The following VPS13A variants were observed in gnomAD, a reference collection of about 807,000 sequenced individuals.
VPS13A encodes the protein vacuolar protein sorting 13 homolog A, also known as intermembrane lipid transfer protein VPS13A.
Under a neutral mutation model 390.9 loss-of-function variants are expected in VPS13A, and 264 were observed. That is an observed-to-expected ratio of 0.68 (90% CI 0.61 to 0.75). The LOEUF is 0.75. Among genes scored for constraint, VPS13A ranks in the 30% least tolerant of loss-of-function variants. VPS13A has a pLI of 0.00. For missense variants in VPS13A, 3,409 were observed against 3,733.9 expected (o/e 0.91, Z 2.27); for synonymous variants, 1,231 against 1,227.1 (o/e 1.00, Z -0.07).
rs775506611 is a variant in VPS13A, at chr9:77,353,538, G to T, written c.7549G>T (p.Ala2517Ser). The change falls in exon 54 of 72, where the codon GCA (alanine) becomes TCA (serine). Residue 2517 changes from alanine to serine, a missense_variant. Transcript: ENST00000360280. ...VFKVTYESEK[A>S]ELAEQEIAVA... is the part of the protein sequence containing the mutation. ...TAAAGTAACATATGAAAGTGAGAAA[G>T]CAGAGTTAGCAGAGCAAGAAATTGC... The T allele has an allele frequency of 6.2e-7, 1 of 1,613,510 alleles. No homozygotes were observed. Among genetic ancestry groups the T allele is most frequent in the Non-Finnish European group, 8.5e-7 (1 of 1,179,634 alleles).
Position 77,351,451 on chromosome 9 carries a change from G to T in VPS13A, c.7419+5G>T. ...GGTGAAGTAACACAGAAGGATGTAAGTATTGGGTTATTATGGTGTTCCCAG... is the reference window on the plus strand; with the variant it reads ...GGTGAAGTAACACAGAAGGATGTAATTATTGGGTTATTATGGTGTTCCCAG... On this transcript the variant is annotated splice_donor_5th_base_variant and intron_variant, in intron 53 of 71. Transcript: ENST00000360280. The T allele has an allele frequency of 6.2e-7, 1 of 1,612,676 alleles. No homozygotes were observed. Among genetic ancestry groups the T allele is most frequent in the Non-Finnish European group, 8.5e-7 (1 of 1,179,050 alleles).
intron 68 of VPS13A, among the ~76,000 whole-genome samples, chr9:77,391,053 C>A (rs190714824): frequency 1.3e-5 from 2 of 152,094 alleles, no homozygotes; most frequent in Non-Finnish European, 2.9e-5. Flanking sequence ...TCTTTTTAAT[C>A]AAAGATCTGT....
In VPS13A at chr9:77,239,132, T is replaced by A. The variant is rs78742450; in HGVS notation, c.1900+746T>A. 4.4e-4 allele frequency among the ~76,000 whole-genome samples: 67 copies of A among 152,148 alleles called. 1 individual carries two copies. The East Asian group carries it at 0.012, about 27-fold the overall frequency. On this transcript the variant is annotated intron_variant, in intron 19 of 71. Transcript: ENST00000360280. Reference sequence around the variant, plus strand: ...TTAAGAGAAATACATGAAAAATGCCTCATTATCAATGTAGATTTTTCTATT... The same window carrying A: ...TTAAGAGAAATACATGAAAAATGCCACATTATCAATGTAGATTTTTCTATT...
At chr9:77,403,674 G>T (rs2131648391) in intron 69 of VPS13A, among the ~76,000 whole-genome samples, 1 of 152,284 alleles carries the variant, frequency 6.6e-6, no homozygotes, top group East Asian at 1.9e-4. Flanking sequence ...GGTAGTATCT[G>T]TTTGTTAGAA....
intron 65 of VPS13A, 50 bp downstream of exon 65, chr9:77,370,628 A>C: frequency 6.2e-7 from 1 of 1,611,020 alleles, no homozygotes; most frequent in East Asian, 2.2e-5. Flanking sequence ...TCTTTTAAAC[A>C]AACCTACATT....
chr9:77,345,153 C>T lies in VPS13A; in HGVS notation c.7289+11C>T, dbSNP rs1831078839. ...TCAATACAATCAAAGGTAAGATTATCACAAATACAGTAACTCTTGATGGTG... is the reference window on the plus strand; with the variant it reads ...TCAATACAATCAAAGGTAAGATTATTACAAATACAGTAACTCTTGATGGTG... On this transcript the variant is annotated intron_variant, in intron 52 of 71. Transcript: ENST00000360280. 4 of 1,612,012 alleles carry T rather than the reference C, an allele frequency of 2.5e-6. No individual in the cohort carries two copies. Among genetic ancestry groups the T allele is most frequent in the Middle Eastern group, 1.7e-4 (1 of 6,054 alleles).
chr9:77,374,046 A>T (rs907821635), intron 67 of VPS13A, among the ~76,000 whole-genome samples: 1 of 152,244 alleles, frequency 6.6e-6, no homozygotes, highest in African/African-American at 2.4e-5. Flanking sequence ...TTATAAAATT[A>T]GCAAATATAA....
At position 77,378,285 on chromosome 9, in the gene VPS13A, A is replaced by C. The variant is rs558652302; in HGVS notation, c.9078-3691A>C. 1.9e-3 allele frequency among the ~76,000 whole-genome samples: 285 copies of C among 152,246 alleles called. 1 individual carries two copies. The highest frequency in any genetic ancestry group is 6.3e-3 in the African/African-American group (263 of 41,560). ...TGATCAGTGAAACCGTCTGATTCTT[A>C]CTTTTATTTCTGGTGAGTTTTAAAA... On this transcript the variant is annotated intron_variant, in intron 67 of 71. Transcript: ENST00000360280.
At chr9:77,353,220 C>A (rs942487348) in intron 53 of VPS13A, among the ~76,000 whole-genome samples, 189 bp from the exon 54 acceptor site, 1 of 151,902 alleles carries the variant, frequency 6.6e-6, no homozygotes, top group Non-Finnish European at 1.5e-5. Flanking sequence ...TAACAGATAA[C>A]ATCAAATGAT....
At chr9:77,275,429 A>G (rs1826595748) in intron 24 of VPS13A, 69 bp from the exon 25 acceptor site, 1 of 1,457,282 alleles carries the variant, frequency 6.9e-7, no homozygotes, top group African/African-American at 1.4e-5. Flanking sequence ...GTTCATATTT[A>G]TTTCTATTGA....
At chr9:77,283,777 GAGTC>G in intron 31 of VPS13A, 127 bp downstream of exon 31, 1 of 748,676 alleles carries the variant, frequency 1.3e-6, no homozygotes, top group South Asian at 1.8e-5. Context: ...ATGGGTTTTG[GAGTC>G]AGGCATAATT....
In VPS13A at chr9:77,295,849, A is replaced by T. The variant is rs755654576; in HGVS notation, c.3812+3A>T. The T allele has an allele frequency of 6.2e-7, 1 of 1,613,154 alleles. No individual in the cohort carries two copies. Among genetic ancestry groups the T allele is most frequent in the African/African-American group, 1.3e-5 (1 of 75,038 alleles). On this transcript the variant is annotated splice_donor_region_variant and intron_variant, in intron 33 of 71. Coordinates refer to ENST00000360280, the MANE Select transcript of VPS13A (RefSeq NM_033305.3). ...CTGAGTGAAATGCGACTATACAGGT[A>T]AGCTTTTCACAAGTATATTTGTGTG...
At chr9:77,383,257 TAA>T (rs1833535288) in intron 68 of VPS13A, among the ~76,000 whole-genome samples, 1 of 152,016 alleles carries the variant, frequency 6.6e-6, no homozygotes, top group Non-Finnish European at 1.5e-5. Flanking sequence ...AATATTTAGT[TAA>T]GTGATTTTAT....
At chr9:77,293,791 CGTTTTATAT>C (rs1318710012) in intron 32 of VPS13A, among the ~76,000 whole-genome samples, 1 of 151,936 alleles carries the variant, frequency 6.6e-6, no homozygotes, top group African/African-American at 2.4e-5. Context: ...TTAGAACCTT[CGTTTTATAT>C]GTCATTGGCT....
intron 46 of VPS13A, 146 bp downstream of exon 46, chr9:77,332,259 A>G (rs1389784922): frequency 1.4e-5 from 9 of 632,240 alleles, no homozygotes; most frequent in Non-Finnish European, 2.5e-5. Flanking sequence ...ATCTTAAAAA[A>G]GAAGTATTAT....
intron 23 of VPS13A, among the ~76,000 whole-genome samples, chr9:77,264,176 A>G (rs1825905604): frequency 6.6e-6 from 1 of 152,064 alleles, no homozygotes; most frequent in East Asian, 1.9e-4. Context: ...TACCAGTACC[A>G]TTGCTGTTTT....
At chr9:77,351,242 G>A (rs1831447223) in intron 52 of VPS13A, 75 bp from the exon 53 acceptor site, 1 of 1,560,832 alleles carries the variant, frequency 6.4e-7, no homozygotes, top group African/African-American at 1.4e-5. Context: ...AATTAATGAA[G>A]TATTATTTTA....
At chr9:77,199,444 ATG>A (rs1387694252) in intron 1 of VPS13A, among the ~76,000 whole-genome samples, 1 of 152,158 alleles carries the variant, frequency 6.6e-6, no homozygotes, top group African/African-American at 2.4e-5. Context: ...CATTACCTGT[ATG>A]TTACAGCTTT....
Position 77,336,412 on chromosome 9 carries a change from T to TA in VPS13A, c.6096-834dup, listed in dbSNP as rs902834534. On this transcript the variant is annotated intron_variant, in intron 46 of 71. Transcript: ENST00000360280. The stretch of plus-strand genomic sequence containing the variant: ...TAAAGTAAAATATCATACTGATGTT[T>TA]AAAAAAAAACAGCACTGTTCCGCAT... Among the ~76,000 whole-genome samples the TA allele has an allele frequency of 1.4e-4, 21 of 151,392 alleles. No homozygotes were observed. In the East Asian group the frequency reaches 1.9e-3, roughly 14 times the overall value.
Sources: gnomAD v4.1 joint callset for allele counts (sites outside exome capture counted in the v4.1 genomes callset) on GRCh38, gnomAD v4.1.1 for gene constraint, MANE v1.5 for transcripts, NCBI Gene and HGNC (gene_info 2026-07-23, HGNC 2026-07-21) for gene names.